The following SELENOK variants were observed in gnomAD, a reference collection of about 807,000 sequenced individuals.
SELENOK encodes the protein selenoprotein K.
A neutral mutation model predicts 17.3 loss-of-function variants in SELENOK; 11 were observed. The observed-to-expected ratio is 0.63, with a 90% CI of 0.40 to 1.05. SELENOK has a LOEUF of 1.05. SELENOK is among the 50% of genes least tolerant of loss of function. SELENOK has a pLI of 0.00. For missense variants in SELENOK, 125 were observed against 113.9 expected (o/e 1.10, Z -0.44); for synonymous variants, 45 against 35.4 (o/e 1.27, Z -0.97).
At chr3:53,888,842 G>A (rs992839000) in intron 1 of SELENOK, among the ~76,000 whole-genome samples, 2 of 152,206 alleles carry the variant, frequency 1.3e-5, no homozygotes, top group African/African-American at 4.8e-5. Flanking sequence ...GGATCATGAG[G>A]TCAGGAGATT....
At chr3:53,888,515 G>A (rs894757912) in intron 1 of SELENOK, 32 bp from the exon 2 acceptor site, 8 of 1,449,492 alleles carry the variant, frequency 5.5e-6, no homozygotes, top group Non-Finnish European at 6.7e-6. Flanking sequence ...ACTTTAGTGA[G>A]TGCTACAAAT....
At position 53,888,455 on chromosome 3, in the gene SELENOK, A is replaced by G; in HGVS notation, c.48T>C (p.Ser16=). ...NGQVLDSRSQ[S]PWRLSLITDF... is the part of the protein sequence containing the mutation. Reference sequence around the variant, plus strand: ...CTGTTATCAAAGATAATCTCCATGGAGACTGACTCCGGCTGTCCAACACTT... The same window carrying G: ...CTGTTATCAAAGATAATCTCCATGGGGACTGACTCCGGCTGTCCAACACTT... The change falls in exon 2 of 5, where the codon TCT becomes TCC. Residue 16 remains serine (S), a synonymous_variant. Transcript: ENST00000495461. 1 of 1,612,106 alleles carries G rather than the reference A, an allele frequency of 6.2e-7. No homozygotes were observed. Among genetic ancestry groups the G allele is most frequent in the Non-Finnish European group, 8.5e-7 (1 of 1,179,520 alleles).
Position 53,885,877 on chromosome 3 carries a change from A to T in SELENOK, c.230T>A (p.Ile77Asn). Residue 77 changes from isoleucine (I) to asparagine (N), a missense_variant, in exon 4 of 5, where the codon ATC becomes AAC. Coordinates refer to ENST00000495461, the MANE Select transcript of SELENOK (RefSeq NM_021237.5). ...PGNPPRRMGR[I>N]NHLRGPSPPP... ...GGGACTAGGGCCACGCAGATGATTG[A>T]TTCTACCCATTCTTCGGGGAGGGTT... 1.3e-6 allele frequency: 2 copies of T among 1,560,930 alleles called. No homozygotes were observed. The highest frequency in any genetic ancestry group is 1.2e-5 in the South Asian group (1 of 81,604).
At position 53,886,884 on chromosome 3, in the gene SELENOK, T is replaced by C. The variant is rs762255949; in HGVS notation, c.161A>G (p.Asn54Ser). 6.4e-7 allele frequency: 1 copy of C among 1,571,478 alleles called. No individual in the cohort carries two copies. The highest frequency in any genetic ancestry group is 1.2e-5 in the South Asian group (1 of 84,306). Residue 54 changes from asparagine (N) to serine (S), a missense_variant, in exon 3 of 5, where the codon AAC (asparagine) becomes AGC (serine). Physicochemically the swap from Asn to Ser is conservative, Grantham distance 46 (BLOSUM62 1). Coordinates refer to ENST00000495461, the MANE Select transcript of SELENOK (RefSeq NM_021237.5). Reference protein sequence around the residue: ...QDVKKRRSYGNSSDSRYDDGR... With the variant: ...QDVKKRRSYGSSSDSRYDDGR... ...ATCATCATATCTGGAATCAGATGAG[T>C]TTCCATAGCTTCTTCTTTTTTTCAC...
rs1023872101 is a variant in SELENOK, at chr3:53,884,817, T to C, written c.*741A>G. 5 of 152,272 alleles carry C rather than the reference T, an allele frequency of 3.3e-5. No individual in the cohort carries two copies. The highest frequency in any genetic ancestry group is 1.2e-4 in the African/African-American group (5 of 41,470). The allele number at this position is 152,272 out of a possible 1,614,324, so 9.4% of individuals were successfully genotyped here. On this transcript the variant is annotated 3_prime_UTR_variant, in exon 5 of 5. Coordinates refer to ENST00000495461, the MANE Select transcript of SELENOK (RefSeq NM_021237.5). ...TACCACGCCTGGCTAATTTTTGTTA[T>C]TTTAGGTTTCGTCATGCTGCAGGCT...
chr3:53,886,809 C>T, intron 3 of SELENOK, 42 bp downstream of exon 3: 1 of 1,251,436 alleles, frequency 8.0e-7, no homozygotes, highest in South Asian at 1.5e-5. Flanking sequence ...TAAAGGTATA[C>T]AAAGACATAA....
At chr3:53,890,873 C>T (rs992392860) in intron 1 of SELENOK, 1 of 152,218 alleles carries the variant, frequency 6.6e-6, no homozygotes, top group Non-Finnish European at 1.5e-5. Context: ...AGAACCAAGA[C>T]CTAGTTCCAA....
At chr3:53,890,690 T>G (rs1367860821) in intron 1 of SELENOK, among the ~76,000 whole-genome samples, 1 of 152,220 alleles carries the variant, frequency 6.6e-6, no homozygotes, top group East Asian at 1.9e-4. Flanking sequence ...AAAACTAAGA[T>G]GAAATTTTGA....
chr3:53,885,913 C>CCTCTTCCA lies in SELENOK; in HGVS notation c.195-2_195-1insTGGAAGAG. 1 of 1,507,242 alleles carries CCTCTTCCA rather than the reference C, an allele frequency of 6.6e-7. No homozygotes were observed. The highest frequency in any genetic ancestry group is 8.8e-7 in the Non-Finnish European group (1 of 1,132,990). 93.4% of individuals were successfully genotyped at this position (1,507,242 alleles called of 1,614,324 possible). On this transcript the variant is annotated splice_acceptor_variant, in intron 3 of 4. Coordinates refer to ENST00000495461, the MANE Select transcript of SELENOK (RefSeq NM_021237.5). LOFTEE classifies it high-confidence loss of function. The stretch of plus-strand genomic sequence containing the variant: ...TCTTCGGGGAGGGTTTCCTGGTGGC[C>CCTCTTCCA]TAATAAAATAAAAAGTTAGTATCTA...
Position 53,888,441 on chromosome 3 carries a change from G to C in SELENOK, c.62C>G (p.Ser21Cys). 1 of 1,612,498 alleles carries C rather than the reference G, an allele frequency of 6.2e-7. No homozygotes were observed. Among genetic ancestry groups the C allele is most frequent in the South Asian group, 1.1e-5 (1 of 91,062 alleles). ...DSRSQSPWRL[S>C]LITDFFWGIA... ...TCCCCAGAAGAAATCTGTTATCAAAGATAATCTCCATGGAGACTGACTCCG... is the reference window on the plus strand; with the variant it reads ...TCCCCAGAAGAAATCTGTTATCAAACATAATCTCCATGGAGACTGACTCCG... The change falls in exon 2 of 5, where the codon TCT becomes TGT. Residue 21 changes from serine (S) to cysteine (C), a missense_variant. Coordinates refer to ENST00000495461, the MANE Select transcript of SELENOK (RefSeq NM_021237.5).
chr3:53,887,965 T>TA (rs1335229761), intron 2 of SELENOK: 1 of 152,668 alleles, frequency 6.6e-6, no homozygotes, highest in Admixed American at 6.5e-5. Flanking sequence ...CCCTTCATTA[T>TA]AAAAAAGTTT....
chr3:53,887,625 C>T (rs1700136399), intron 2 of SELENOK, among the ~76,000 whole-genome samples: 1 of 152,210 alleles, frequency 6.6e-6, no homozygotes, highest in Non-Finnish European at 1.5e-5. Context: ...GCCTGATACT[C>T]AAACTTCTAT....
chr3:53,885,644 A>G, intron 4 of SELENOK, 83 bp from the exon 5 acceptor site: 1 of 1,415,290 alleles, frequency 7.1e-7, no homozygotes, highest in Non-Finnish European at 9.8e-7. Context: ...ATGTTATAAA[A>G]TCTTTCTCAA....
Position 53,884,802 on chromosome 3 carries a change from G to A in SELENOK, c.*756C>T, listed in dbSNP as rs1485727415. ...ATTACAGGTGCACTCTACCACGCCT[G>A]GCTAATTTTTGTTATTTTAGGTTTC... On this transcript the variant is annotated 3_prime_UTR_variant, in exon 5 of 5. Coordinates refer to ENST00000495461, the MANE Select transcript of SELENOK (RefSeq NM_021237.5). 6.6e-6 allele frequency: 1 copy of A among 152,174 alleles called. No individual in the cohort carries two copies. Among genetic ancestry groups the A allele is most frequent in the African/African-American group, 2.4e-5 (1 of 41,438 alleles). 9.4% of individuals were successfully genotyped at this position (152,174 alleles called of 1,614,324 possible).
At position 53,885,190 on chromosome 3, in the gene SELENOK, C is replaced by A. The variant is rs545459907; in HGVS notation, c.*368G>T. On this transcript the variant is annotated 3_prime_UTR_variant, in exon 5 of 5. Coordinates refer to ENST00000495461, the MANE Select transcript of SELENOK (RefSeq NM_021237.5). ...AGTGTTTCAGAAGTTGAAAAGGTGA[C>A]ACTAACAGTGCTAAATACACAGGCT... is the stretch of plus-strand genomic sequence containing the variant. 1.7e-5 allele frequency: 3 copies of A among 172,778 alleles called. No individual in the cohort carries two copies. The highest frequency in any genetic ancestry group is 3.7e-5 in the Non-Finnish European group (3 of 81,860). 10.7% of individuals were successfully genotyped at this position (172,778 alleles called of 1,614,324 possible).
In SELENOK at chr3:53,885,897, A is replaced by G. The variant is rs1162219145; in HGVS notation, c.210T>C (p.Pro70=). 1 of 1,542,188 alleles carries G rather than the reference A, an allele frequency of 6.5e-7. No homozygotes were observed. The highest frequency in any genetic ancestry group is 8.7e-7 in the Non-Finnish European group (1 of 1,150,320). The change falls in exon 4 of 5, where the codon CCT becomes CCC. Residue 70 remains proline, a synonymous_variant. Transcript: ENST00000495461. ...GATTGATTCTACCCATTCTTCGGGG[A>G]GGGTTTCCTGGTGGCCTAATAAAAT... is the stretch of plus-strand genomic sequence containing the variant. The part of the protein sequence containing the change: ...YDDGRGPPGN[P]PRRMGRINHL...
At chr3:53,890,099 TA>T in intron 1 of SELENOK, among the ~76,000 whole-genome samples, 1 of 152,176 alleles carries the variant, frequency 6.6e-6, no homozygotes. Context: ...TTGACCAGCT[TA>T]ATTTCAGATA....
At chr3:53,887,222 A>G (rs927055354) in intron 2 of SELENOK, among the ~76,000 whole-genome samples, 12 of 152,186 alleles carry the variant, frequency 7.9e-5, no homozygotes, top group Non-Finnish European at 1.6e-4. Flanking sequence ...ACTTTAAATC[A>G]GCCATCGGGT....
At chr3:53,885,722 T>C (rs561448672) in intron 4 of SELENOK, 104 bp downstream of exon 4, 136 of 1,192,232 alleles carry the variant, frequency 1.1e-4, no homozygotes, top group Non-Finnish European at 1.6e-4. Context: ...TTCCAAATAA[T>C]GTCTGAGTAA....
Sources: gnomAD v4.1 joint callset for allele counts (sites outside exome capture counted in the v4.1 genomes callset) on GRCh38, gnomAD v4.1.1 for gene constraint, MANE v1.5 for transcripts, NCBI Gene and HGNC (gene_info 2026-07-23, HGNC 2026-07-21) for gene names.